The following RUNX3 variants were observed in gnomAD, a reference collection of about 807,000 sequenced individuals.
The protein encoded by RUNX3 is RUNX family transcription factor 3.
In RUNX3, 10 loss-of-function variants were observed where a neutral mutation model predicts 27.7. That is an observed-to-expected ratio of 0.36 (90% CI 0.22 to 0.61). The LOEUF is 0.61. Ranked by LOEUF, RUNX3 falls within the 20% of genes least tolerant of loss-of-function variation. The probability of loss-of-function intolerance (pLI) is 0.72; values close to 1 mark genes in which losing one functional copy is unlikely to be tolerated. For synonymous variants in RUNX3, 270 were observed against 269.2 expected (o/e 1.00, Z -0.03); for missense variants, 469 against 629.5 (o/e 0.75, Z 2.73).
rs989778559 is a variant in RUNX3, at chr1:24,943,187, CTT to C, written c.59-13337_59-13336del. On this transcript the variant is annotated intron_variant, in intron 2 of 6. Coordinates refer to the RUNX3 transcript ENST00000338888. The surrounding 1 kb of genome is among the most constrained non-coding windows in gnomAD (Gnocchi z 4.6). ...GTGTGGGGACACCCTGAGGGAATGA[CTT>C]TTCATGTGGTTGTGGGGCAGGCATG... 4.6e-5 allele frequency among the ~76,000 whole-genome samples: 7 copies of C among 152,202 alleles called. No individual in the cohort carries two copies. Among genetic ancestry groups the C allele is most frequent in the Non-Finnish European group, 8.8e-5 (6 of 68,022 alleles).
chr1:24,908,183 C>T (rs113721518), intron 3 of RUNX3, among the ~76,000 whole-genome samples: 23,613 of 82,554 alleles, frequency 0.29, 6,306 homozygotes, highest in African/African-American at 0.58. Context: ...CGAAGCTCTA[C>T]GACACGCGGT....
At position 24,927,604 on chromosome 1, in the gene RUNX3, C is replaced by T; in HGVS notation, c.409G>A (p.Asp137Asn). Reference protein sequence around the residue: ...VMKNQVARFNDLRFVGRSGRG... With the variant: ...VMKNQVARFNNLRFVGRSGRG... ...CCACTGCGGCCCACGAAGCGAAGGT[C>T]GTTGAACCTGGCCACCTGGTTCTTC... is the stretch of plus-strand genomic sequence containing the variant. The change falls in exon 2 of 5, where the codon GAC becomes AAC. Residue 137 changes from aspartate (D) to asparagine (N), a missense_variant. By Grantham distance (23) the Asp-to-Asn change is conservative. Transcript: ENST00000308873. This position sits in a 1 kb window ranked among gnomAD's most constrained non-coding sequence, Gnocchi z 5.0. 1.2e-6 allele frequency: 2 copies of T among 1,614,128 alleles called. No homozygotes were observed. Among genetic ancestry groups the T allele is most frequent in the Non-Finnish European group, 1.7e-6 (2 of 1,180,028 alleles).
intron 2 of RUNX3, among the ~76,000 whole-genome samples, chr1:24,948,229 C>G (rs1641661915): frequency 6.6e-6 from 1 of 152,200 alleles, no homozygotes; most frequent in Admixed American, 6.5e-5. Flanking sequence ...AGCATCCTCC[C>G]CCTGCAGCCT....
In RUNX3 at chr1:24,902,497, G is replaced by A. The variant is rs1640579461; in HGVS notation, c.873C>T (p.Ser291=). 2 of 1,599,174 alleles carry A rather than the reference G, an allele frequency of 1.3e-6. No homozygotes were observed. Among genetic ancestry groups the A allele is most frequent in the South Asian group, 1.1e-5 (1 of 90,550 alleles). ...TGGCCGGCATGCCCGCCACGCTGAGGCTGCTGATGCTCGTGCCCGAGGGCG... is the reference window on the plus strand; with the variant it reads ...TGGCCGGCATGCCCGCCACGCTGAGACTGCTGATGCTCGTGCCCGAGGGCG... ...SATPSGTSIS[S]LSVAGMPATS... is the part of the protein sequence containing the mutation. Residue 291 remains serine, a synonymous_variant, in exon 5 of 5, where the codon AGC becomes AGT. Transcript: ENST00000308873. This position sits in a 1 kb window ranked among gnomAD's most constrained non-coding sequence, Gnocchi z 9.2.
intron 2 of RUNX3, among the ~76,000 whole-genome samples, chr1:24,957,838 C>T (rs1281603717): frequency 6.6e-6 from 1 of 152,216 alleles, no homozygotes; most frequent in Non-Finnish European, 1.5e-5. Context: ...GGCACCTCTC[C>T]CAACGCCACA....
At chr1:24,947,226 C>T (rs757668710) in intron 2 of RUNX3, among the ~76,000 whole-genome samples, 11 of 152,292 alleles carry the variant, frequency 7.2e-5, no homozygotes, top group Admixed American at 4.6e-4. Context: ...CCCAGTAGTC[C>T]GGCTGCCTGC....
At chr1:24,935,529 G>A (rs1641327849) in intron 2 of RUNX3, among the ~76,000 whole-genome samples, 1 of 152,202 alleles carries the variant, frequency 6.6e-6, no homozygotes, top group African/African-American at 2.4e-5. Context: ...GGGAGGCAAG[G>A]ACGGAGAAAA....
upstream of RUNX3, among the ~76,000 whole-genome samples, chr1:24,931,935 C>A (rs544191709): frequency 2.0e-5 from 3 of 152,244 alleles, no homozygotes; most frequent in African/African-American, 7.2e-5. Flanking sequence ...CGCGCTGGCA[C>A]GAGCAGCAGA....
chr1:24,900,973 T>C lies in RUNX3; in HGVS notation c.*1149A>G, dbSNP rs1640528969. On this transcript the variant is annotated 3_prime_UTR_variant, in exon 5 of 5. Transcript: ENST00000308873. ...TAAGAGACCTTGTGTTTGAAAACGT[T>C]AGATTAAGCTTCTTTTTCTAAAATC... The C allele has an allele frequency of 1.3e-5, 2 of 152,180 alleles. No individual in the cohort carries two copies. The highest frequency in any genetic ancestry group is 2.9e-5 in the Non-Finnish European group (2 of 68,022). The allele number at this position is 152,180 out of a possible 1,614,324, so 9.4% of individuals were successfully genotyped here.
intron 2 of RUNX3, among the ~76,000 whole-genome samples, chr1:24,939,911 C>T (rs1272842504): frequency 6.6e-6 from 1 of 152,184 alleles, no homozygotes; most frequent in Admixed American, 6.5e-5. Flanking sequence ...GGTTGAGATG[C>T]CCTAGGCCAA....
intron 1 of RUNX3, chr1:24,928,776 A>T (rs1204284164): frequency 7.6e-6 from 2 of 264,742 alleles, no homozygotes; most frequent in African/African-American, 4.7e-5. Context: ...TTTCCCATTT[A>T]GAGTCGTCTT....
Position 24,930,091 on chromosome 1 carries a change from T to G in RUNX3, c.-223A>C. ...GACGGCCGCCCGCAGCCTGCCCGGC[T>G]AGTCCCGCATCCTCGGCGCGCGGCC... On this transcript the variant is annotated 5_prime_UTR_variant, in exon 1 of 5. An upstream open reading frame in the 5' UTR loses its in-frame stop. Coordinates refer to ENST00000308873, the MANE Select transcript of RUNX3 (RefSeq NM_004350.3). This position sits in a 1 kb window ranked among gnomAD's most constrained non-coding sequence, Gnocchi z 4.1. 1.0e-6 allele frequency: 1 copy of G among 979,532 alleles called. No individual in the cohort carries two copies. Among genetic ancestry groups the G allele is most frequent in the Non-Finnish European group, 1.2e-6 (1 of 827,714 alleles). 60.7% of individuals were successfully genotyped at this position (979,532 alleles called of 1,614,324 possible).
In RUNX3 at chr1:24,940,230, A is replaced by G. The variant is rs59817082; in HGVS notation, c.59-10378T>C. Among the ~76,000 whole-genome samples, 1,668 of 152,248 alleles carry G rather than the reference A, an allele frequency of 0.011. 56 individuals carry two copies. In the East Asian group the frequency reaches 0.13, roughly 12 times the overall value. ...GTAGAGATCAAGTTGAGACCAGGAT[A>G]TTGTGCAGGGAGTTCGAGTGTTAGA... On this transcript the variant is annotated intron_variant, in intron 2 of 6. Transcript: ENST00000338888.
At position 24,918,217 on chromosome 1, in the gene RUNX3, G is replaced by C. The variant is rs537994011; in HGVS notation, c.544+1023C>G. ...CTGACTCCCAAGAAGGGAGGGGCCA[G>C]CCCAGGGCTAGGCCTCCTGCCCCAG... On this transcript the variant is annotated intron_variant, in intron 3 of 4. Transcript: ENST00000308873. 1.1e-3 allele frequency among the ~76,000 whole-genome samples: 160 copies of C among 152,316 alleles called. 1 individual carries two copies. Among genetic ancestry groups the C allele is most frequent in the African/African-American group, 3.7e-3 (154 of 41,572 alleles).
chr1:24,933,327 G>A (rs536568921), upstream of RUNX3, among the ~76,000 whole-genome samples: 273 of 152,328 alleles, frequency 1.8e-3, 2 homozygotes, highest in African/African-American at 6.4e-3. Flanking sequence ...ACTCATAGTG[G>A]CCCTTCATAG....
At chr1:24,925,066 A>C (rs544397994) in intron 2 of RUNX3, among the ~76,000 whole-genome samples, 1 of 152,334 alleles carries the variant, frequency 6.6e-6, no homozygotes, top group Admixed American at 6.5e-5. Context: ...TAGTTCTGGC[A>C]GAAGTCAAGA....
intron 2 of RUNX3, among the ~76,000 whole-genome samples, chr1:24,926,929 C>T (rs75629431): frequency 6.6e-6 from 1 of 151,786 alleles, no homozygotes; most frequent in Non-Finnish European, 1.5e-5. Flanking sequence ...AACAGCCCCC[C>T]ACCCCCGTCC....
At chr1:24,939,955 C>G (rs74759232) in intron 2 of RUNX3, among the ~76,000 whole-genome samples, 10 of 152,230 alleles carry the variant, frequency 6.6e-5, no homozygotes, top group Non-Finnish European at 1.2e-4. Flanking sequence ...CCTGAGCCCC[C>G]TCTGTTAGGG....
chr1:24,936,319 C>A (rs906248920), intron 2 of RUNX3, among the ~76,000 whole-genome samples: 1 of 152,136 alleles, frequency 6.6e-6, no homozygotes, highest in African/African-American at 2.4e-5. Context: ...GTAACTTGTC[C>A]AAGTTGGCAC....
Sources: gnomAD v4.1 joint callset for allele counts (sites outside exome capture counted in the v4.1 genomes callset) on GRCh38, gnomAD v4.1.1 for gene constraint, Gnocchi (gnomAD v3.1) non-coding constraint, MANE v1.5 for transcripts, NCBI Gene and HGNC (gene_info 2026-07-23, HGNC 2026-07-21) for gene names.